The following GPC1 variants were observed in gnomAD, a reference collection of about 807,000 sequenced individuals.
GPC1 encodes the protein glypican 1, also known as glypican-1.
Under a neutral mutation model 51.5 loss-of-function variants are expected in GPC1, and 26 were observed. The ratio of observed to expected loss-of-function variants is 0.50; its 90% CI spans 0.37 to 0.70. The LOEUF is 0.70. Among genes scored for constraint, GPC1 ranks in the 30% least tolerant of loss-of-function variants. The pLI is 0.00. For synonymous variants in GPC1, 380 were observed against 348.3 expected, an observed-to-expected ratio of 1.09 and a Z score of -1.01; for missense variants, 775 against 800.5, an observed-to-expected ratio of 0.97 and a Z score of 0.38.
At chr2:240,458,843 G>A (rs1382000734) in intron 1 of GPC1, 187 bp from the exon 2 acceptor site, 24 of 583,956 alleles carry the variant, frequency 4.1e-5, no homozygotes, top group Non-Finnish European at 6.4e-5. Flanking sequence ...CGGGACCGAA[G>A]CCAGGCCTTT....
intron 1 of GPC1, among the ~76,000 whole-genome samples, chr2:240,437,933 G>A (rs1191100767): frequency 2.6e-5 from 4 of 152,240 alleles, no homozygotes; most frequent in Non-Finnish European, 1.5e-5. Context: ...GAGAGGGCAG[G>A]ACAAGATGGA....
intron 1 of GPC1, chr2:240,458,206 C>T (rs2074186439): frequency 2.5e-6 from 1 of 399,072 alleles, no homozygotes; most frequent in African/African-American, 2.1e-5. Context: ...TGCAGTTTTT[C>T]CTGATGCCAC....
Position 240,435,984 on chromosome 2 carries a change from C to T in GPC1, c.66C>T (p.Arg22=), listed in dbSNP as rs2073980963. ...CAAAALVACA[R]GDPASKSRSC... is the part of the protein sequence containing the mutation. Reference sequence around the variant, plus strand: ...CCGCAGCGCTGGTCGCCTGCGCCCGCGGGGACCCGGCCAGCAAGAGCCGGA... The same window carrying T: ...CCGCAGCGCTGGTCGCCTGCGCCCGTGGGGACCCGGCCAGCAAGAGCCGGA... The change falls in exon 1 of 9, where the codon CGC becomes CGT. Residue 22 remains arginine (R), a synonymous_variant. Coordinates refer to ENST00000264039, the MANE Select transcript of GPC1 (RefSeq NM_002081.3). 4 of 1,367,958 alleles carry T rather than the reference C, an allele frequency of 2.9e-6. No individual in the cohort carries two copies. Among genetic ancestry groups the T allele is most frequent in the East Asian group, 3.0e-5 (1 of 33,378 alleles). The allele number at this position is 1,367,958 out of a possible 1,614,324, so 84.7% of individuals were successfully genotyped here. A position where few individuals can be genotyped will look rare whatever the true frequency, so the allele number is the denominator to read the frequency against.
intron 1 of GPC1, chr2:240,451,049 T>A (rs1415460686): frequency 2.2e-6 from 1 of 455,686 alleles, no homozygotes; most frequent in Non-Finnish European, 4.6e-6. Flanking sequence ...GGGACCACCA[T>A]GACCACAGAG....
chr2:240,445,305 G>A (rs2074042196), intron 1 of GPC1, among the ~76,000 whole-genome samples: 1 of 152,206 alleles, frequency 6.6e-6, no homozygotes, highest in African/African-American at 2.4e-5. Context: ...GGGATAGGGT[G>A]GCTCCCAAGC....
At position 240,463,424 on chromosome 2, in the gene GPC1, C is replaced by G. The variant is rs1166943738; in HGVS notation, c.795C>G (p.Ala265=). 4.3e-6 allele frequency: 7 copies of G among 1,612,880 alleles called. No individual in the cohort carries two copies. The highest frequency in any genetic ancestry group is 5.9e-6 in the Non-Finnish European group (7 of 1,179,832). ...CTCACTGCCTGGGAGTCCCCGGCGC[C>G]AGGCCCTGCCCTGACTATTGCCGAA... ...YCAHCLGVPG[A]RPCPDYCRNV... The change falls in exon 4 of 9, where the codon GCC becomes GCG. Residue 265 remains alanine (A), a synonymous_variant. Transcript: ENST00000264039.
At chr2:240,449,763 C>T (rs942939629) in intron 1 of GPC1, 4 of 455,090 alleles carry the variant, frequency 8.8e-6, no homozygotes, top group African/African-American at 4.0e-5. Context: ...CTCTATGAAT[C>T]CGACTCCTCT....
chr2:240,464,843 A>C lies in GPC1; in HGVS notation c.1015-13A>C, dbSNP rs1167028037. ...CCCCACTACCCCCCAAGGACCCTGC[A>C]GTGTCTCTCCAGGTCATCCAGGGCT... is the stretch of plus-strand genomic sequence containing the variant. On this transcript the variant is annotated splice_polypyrimidine_tract_variant and intron_variant, in intron 5 of 8. Coordinates refer to ENST00000264039, the MANE Select transcript of GPC1 (RefSeq NM_002081.3). 6.4e-7 allele frequency: 1 copy of C among 1,559,940 alleles called. No individual in the cohort carries two copies. Among genetic ancestry groups the C allele is most frequent in the Non-Finnish European group, 8.7e-7 (1 of 1,151,246 alleles).
intron 1 of GPC1, chr2:240,452,988 C>G (rs2074115235): frequency 2.9e-6 from 1 of 350,788 alleles, no homozygotes; most frequent in Admixed American, 3.7e-5. Context: ...AGCCCGCGCG[C>G]CGCCCGGAGC....
chr2:240,454,341 G>C (rs1171997230), intron 1 of GPC1, among the ~76,000 whole-genome samples: 1 of 152,216 alleles, frequency 6.6e-6, no homozygotes, highest in Non-Finnish European at 1.5e-5. Flanking sequence ...TGGGTCGTTT[G>C]TCCAGTGCAC....
intron 1 of GPC1, among the ~76,000 whole-genome samples, chr2:240,454,326 C>G (rs537603835): frequency 5.6e-4 from 85 of 152,294 alleles, no homozygotes; most frequent in Non-Finnish European, 1.1e-3. Flanking sequence ...CCCCAGGAAA[C>G]CCCCTGGGTC....
chr2:240,465,996 G>A (rs2074257987), intron 8 of GPC1, 62 bp from the exon 9 acceptor site: 2 of 1,022,836 alleles, frequency 2.0e-6, no homozygotes, highest in Admixed American at 1.9e-5. Context: ...GCCCTTACAG[G>A]GTGGTGCTGC....
intron 1 of GPC1, chr2:240,452,891 C>T (rs1366922221): frequency 1.6e-5 from 4 of 250,082 alleles, no homozygotes; most frequent in Non-Finnish European, 2.4e-5. Context: ...AGCCCGCCCT[C>T]GTCCCCCGCT....
At chr2:240,447,506 C>T (rs1031187548) in intron 1 of GPC1, among the ~76,000 whole-genome samples, 3 of 152,332 alleles carry the variant, frequency 2.0e-5, no homozygotes, top group East Asian at 1.9e-4. Context: ...CCATGGACCT[C>T]GGGTTCCCAG....
intron 1 of GPC1, among the ~76,000 whole-genome samples, chr2:240,438,414 G>A (rs906531685): frequency 1.4e-4 from 21 of 152,330 alleles, no homozygotes; most frequent in Non-Finnish European, 2.2e-4. Flanking sequence ...TTGTCGGCTG[G>A]GCCTGGGCTC....
chr2:240,453,987 G>C (rs2074131689), intron 1 of GPC1, among the ~76,000 whole-genome samples: 1 of 152,188 alleles, frequency 6.6e-6, no homozygotes, highest in East Asian at 1.9e-4. Flanking sequence ...CTCGGTTTCG[G>C]GTCGCAGTGC....
At chr2:240,450,903 C>T (rs774104975) in intron 1 of GPC1, 88 of 410,174 alleles carry the variant, frequency 2.1e-4, no homozygotes, top group Admixed American at 1.3e-3. Flanking sequence ...GGACTGGAGG[C>T]CAGAGGCTGG....
chr2:240,451,342 A>G (rs564173341), intron 1 of GPC1: 1 of 446,236 alleles, frequency 2.2e-6, no homozygotes, highest in Non-Finnish European at 4.7e-6. Context: ...CTGTGGGTGT[A>G]GCAGACAGGG....
chr2:240,444,425 G>A (rs543819644), intron 1 of GPC1, among the ~76,000 whole-genome samples: 8 of 152,158 alleles, frequency 5.3e-5, no homozygotes, highest in Non-Finnish European at 1.2e-4. Context: ...CCTGAGCCCC[G>A]TCCTCACCCG....
Sources: allele counts gnomAD v4.1 joint callset (sites outside exome capture counted in the v4.1 genomes callset), GRCh38; gene constraint gnomAD v4.1.1; transcripts MANE v1.5; gene names NCBI Gene and HGNC (gene_info 2026-07-23, HGNC 2026-07-21).